Variants in SLC44A3 observed in about 807,000 individuals in gnomAD.
The protein encoded by SLC44A3 is choline transporter-like protein 3.
SLC44A3 carries 74 observed loss-of-function variants against 75.4 expected under a neutral mutation model. The ratio of observed to expected loss-of-function variants is 0.98; its 90% CI spans 0.81 to 1.19. SLC44A3 has a LOEUF of 1.19. Among genes scored for constraint, SLC44A3 ranks in the 50% most tolerant of loss-of-function variants. SLC44A3 has a pLI of 0.00. For missense variants in SLC44A3, 700 were observed against 778.6 expected, an observed-to-expected ratio of 0.90 and a Z score of 1.20; for synonymous variants, 310 against 296.9, an observed-to-expected ratio of 1.04 and a Z score of -0.45.
At position 94,824,547 on chromosome 1, in the gene SLC44A3, G is replaced by C; in HGVS notation, c.190G>C (p.Gly64Arg). Residue 64 changes from glycine to arginine, a missense_variant, in exon 3 of 15, where the codon GGC (glycine) becomes CGC (arginine). Gly to Arg is a moderately radical substitution (Grantham distance 125). Coordinates refer to ENST00000271227, the MANE Select transcript of SLC44A3 (RefSeq NM_001114106.3). Reference protein sequence around the residue: ...VAGAAGRLLFGYDSFGNMCGK... With the variant: ...VAGAAGRLLFRYDSFGNMCGK... ...TGGAGCCGCGGGAAGACTCCTCTTT[G>C]GCTATGACAGCTTTGGCAACATGTG... 6.2e-7 allele frequency: 1 copy of C among 1,612,860 alleles called. No individual in the cohort carries two copies. The highest frequency in any genetic ancestry group is 8.5e-7 in the Non-Finnish European group (1 of 1,179,720).
At chr1:94,867,094 T>C (rs896016196) in intron 11 of SLC44A3, among the ~76,000 whole-genome samples, 5 of 152,148 alleles carry the variant, frequency 3.3e-5, no homozygotes, top group South Asian at 2.1e-4. Context: ...CTGTTCAGTA[T>C]GGACTAACCT....
At chr1:94,838,137 T>C (rs1571216237) in intron 6 of SLC44A3, among the ~76,000 whole-genome samples, 1 of 152,130 alleles carries the variant, frequency 6.6e-6, no homozygotes, top group South Asian at 2.1e-4. Flanking sequence ...TGGGGATGGG[T>C]ATATAAAGCA....
chr1:94,873,847 G>A (rs573355222), intron 12 of SLC44A3, among the ~76,000 whole-genome samples: 1 of 152,190 alleles, frequency 6.6e-6, no homozygotes, highest in African/African-American at 2.4e-5. Flanking sequence ...CACTAGATTA[G>A]GAAAATGATG....
At chr1:94,884,464 GT>G (rs1244287475) in intron 12 of SLC44A3, among the ~76,000 whole-genome samples, 15 of 152,176 alleles carry the variant, frequency 9.9e-5, no homozygotes, top group Non-Finnish European at 2.9e-5. Context: ...GGATTTCACT[GT>G]ATTTTTTTTC....
At chr1:94,876,508 G>C (rs1328686025) in intron 12 of SLC44A3, among the ~76,000 whole-genome samples, 1 of 152,192 alleles carries the variant, frequency 6.6e-6, no homozygotes, top group African/African-American at 2.4e-5. Flanking sequence ...CTTGTTGAGA[G>C]AAGGAAGTGA....
chr1:94,839,880 C>A, intron 6 of SLC44A3, 68 bp from the exon 7 acceptor site: 2 of 1,105,330 alleles, frequency 1.8e-6, no homozygotes, highest in African/African-American at 1.5e-5. Flanking sequence ...TTTGTCATCG[C>A]AGTACTACCA....
rs780466998 is a variant in SLC44A3, at chr1:94,857,478, G to A, written c.1216G>A (p.Val406Met). 9 of 1,612,020 alleles carry A rather than the reference G, an allele frequency of 5.6e-6. No individual in the cohort carries two copies. The South Asian group carries it at 7.7e-5, about 14-fold the overall frequency. ...CCAGCAAATGACTATAGCTGGGGCA[G>A]TGGTTACTTGTTATTTCAACAGGTA... ...ACQQMTIAGA[V>M]VTCYFNRSKN... The change falls in exon 10 of 15, where the codon GTG (valine) becomes ATG (methionine). Residue 406 changes from valine to methionine, a missense_variant. Val to Met is a conservative substitution (Grantham distance 21). Transcript: ENST00000271227.
At chr1:94,837,633 T>C (rs1662994950) in intron 5 of SLC44A3, 78 bp from the exon 6 acceptor site, 12 of 1,408,816 alleles carry the variant, frequency 8.5e-6, no homozygotes, top group Non-Finnish European at 1.1e-5. Context: ...TTTTTGGTTA[T>C]TGAGAATGTT....
chr1:94,848,984 C>T (rs905036918), intron 9 of SLC44A3, among the ~76,000 whole-genome samples: 1 of 151,990 alleles, frequency 6.6e-6, no homozygotes, highest in Non-Finnish European at 1.5e-5. Flanking sequence ...AGGGAAGAGC[C>T]CAGGCCAGTG....
At chr1:94,859,408 G>A (rs1666303164) in intron 10 of SLC44A3, among the ~76,000 whole-genome samples, 2 of 127,010 alleles carry the variant, frequency 1.6e-5, no homozygotes, top group African/African-American at 5.1e-5. Flanking sequence ...ACCAAATGGT[G>A]AGAGCCAAAG....
chr1:94,841,020 C>T (rs1201842749), intron 7 of SLC44A3, among the ~76,000 whole-genome samples: 1 of 152,180 alleles, frequency 6.6e-6, no homozygotes, highest in East Asian at 1.9e-4. Flanking sequence ...TCAGCAATTT[C>T]CTCATTGTGT....
chr1:94,827,370 A>G (rs1661510740), intron 3 of SLC44A3, 137 bp from the exon 4 acceptor site: 6 of 1,124,784 alleles, frequency 5.3e-6, no homozygotes, highest in Non-Finnish European at 5.2e-6. Flanking sequence ...TAAATGTTCA[A>G]TTATGCTGAA....
At chr1:94,848,897 G>C (rs940072397) in intron 9 of SLC44A3, among the ~76,000 whole-genome samples, 1 of 152,148 alleles carries the variant, frequency 6.6e-6, no homozygotes, top group African/African-American at 2.4e-5. Flanking sequence ...CGCCAGGTCA[G>C]AAAATACAGA....
At chr1:94,856,146 T>C (rs539610614) in intron 9 of SLC44A3, among the ~76,000 whole-genome samples, 4 of 152,270 alleles carry the variant, frequency 2.6e-5, no homozygotes, top group African/African-American at 4.8e-5. Flanking sequence ...CTGGCCTCAG[T>C]TGAAAGTAGT....
At chr1:94,891,593 G>A (rs1036101684) in intron 13 of SLC44A3, among the ~76,000 whole-genome samples, 10 of 152,248 alleles carry the variant, frequency 6.6e-5, no homozygotes, top group East Asian at 1.9e-4. Context: ...GAAAATGAAC[G>A]TTTGTGGGTT....
chr1:94,866,263 A>G (rs913087755), intron 11 of SLC44A3, among the ~76,000 whole-genome samples: 7 of 152,174 alleles, frequency 4.6e-5, no homozygotes, highest in African/African-American at 1.7e-4. Context: ...TCCTAAAGCT[A>G]GGCATTTTAA....
At position 94,832,416 on chromosome 1, in the gene SLC44A3, G is replaced by A. The variant is rs140946903; in HGVS notation, c.509+3830G>A. On this transcript the variant is annotated intron_variant, in intron 5 of 14. Coordinates refer to ENST00000271227, the MANE Select transcript of SLC44A3 (RefSeq NM_001114106.3). ...TACTTTTGCATAAAAAGTGGAAAAT[G>A]TAAGTATAAACCTATAAATATATAT... is the stretch of plus-strand genomic sequence containing the variant. Among the ~76,000 whole-genome samples, 20 of 152,030 alleles carry A rather than the reference G, an allele frequency of 1.3e-4. No individual in the cohort carries two copies. In the East Asian group the frequency reaches 3.5e-3, roughly 26 times the overall value.
intron 10 of SLC44A3, among the ~76,000 whole-genome samples, chr1:94,862,945 G>A (rs1248998083): frequency 6.6e-6 from 1 of 152,212 alleles, no homozygotes; most frequent in Non-Finnish European, 1.5e-5. Flanking sequence ...TTGTGAGGGA[G>A]ACAGAGCTGG....
intron 5 of SLC44A3, among the ~76,000 whole-genome samples, chr1:94,830,517 A>G (rs1276380651): frequency 1.3e-5 from 2 of 152,138 alleles, no homozygotes; most frequent in Non-Finnish European, 2.9e-5. Flanking sequence ...GGCCTATAAT[A>G]TCTTATTTTT....
Sources: allele counts gnomAD v4.1 joint callset (sites outside exome capture counted in the v4.1 genomes callset), GRCh38; gene constraint gnomAD v4.1.1; transcripts MANE v1.5; gene names NCBI Gene and HGNC (gene_info 2026-07-23, HGNC 2026-07-21).